The following CBLB variants were observed in gnomAD, a reference collection of about 807,000 sequenced individuals.
CBLB encodes E3 ubiquitin-protein ligase CBL-B.
Under a neutral mutation model 104.9 loss-of-function variants are expected in CBLB, and 31 were observed. That is an observed-to-expected ratio of 0.30 (90% confidence interval 0.22 to 0.40). The LOEUF is 0.40. Ranked by LOEUF, CBLB falls within the 10% of genes least tolerant of loss-of-function variation. The probability of loss-of-function intolerance (pLI) is 1.00; values close to 1 mark genes in which losing one functional copy is unlikely to be tolerated. For synonymous variants in CBLB, 440 were observed against 422.6 expected (o/e 1.04, Z -0.51); for missense variants, 1,062 against 1,214.6 (o/e 0.87, Z 1.87).
intron 4 of CBLB, among the ~76,000 whole-genome samples, chr3:105,768,831 A>T (rs2078518856): frequency 6.6e-6 from 1 of 152,232 alleles, no homozygotes; most frequent in African/African-American, 2.4e-5. Flanking sequence ...GGACTTATGA[A>T]CTGAACTTAA....
chr3:105,743,205 C>A (rs934951448), intron 6 of CBLB, among the ~76,000 whole-genome samples: 1 of 152,030 alleles, frequency 6.6e-6, no homozygotes, highest in African/African-American at 2.4e-5. Context: ...CACCTGTAAT[C>A]CCAGCACGTT....
At chr3:105,836,141 C>T (rs1183896373) in intron 3 of CBLB, among the ~76,000 whole-genome samples, 3 of 152,164 alleles carry the variant, frequency 2.0e-5, no homozygotes, top group Non-Finnish European at 2.9e-5. Context: ...CACCATGTTA[C>T]ACAACTCTCA....
chr3:105,757,777 G>T (rs2077215679), intron 4 of CBLB, among the ~76,000 whole-genome samples: 1 of 152,306 alleles, frequency 6.6e-6, no homozygotes, highest in Middle Eastern at 3.4e-3. Flanking sequence ...GGTATTAGTG[G>T]TGGCAGGTGT....
rs554000219 is a variant in CBLB at position 105,690,776 on chromosome 3, C to A, written c.2054+2718G>T. On this transcript the variant is annotated intron_variant, in intron 13 of 18. Coordinates refer to ENST00000394030, the MANE Select transcript of CBLB (RefSeq NM_170662.5). ...GGCAGAGGTTGCAGTGAGCCGAGAT[C>A]GCGCCACTGCACTCCAGCCTGGGCG... Among the ~76,000 whole-genome samples the A allele has an allele frequency of 9.3e-5, 14 of 150,308 alleles. No homozygotes were observed. In the South Asian group the frequency reaches 2.7e-3, roughly 29 times the overall value.
chr3:105,704,217 C>T, intron 10 of CBLB, 44 bp from the exon 11 acceptor site: 1 of 1,558,536 alleles, frequency 6.4e-7, no homozygotes, highest in Non-Finnish European at 8.9e-7. Context: ...ATTAGCTGTG[C>T]AGAGTGTTCT....
In CBLB at chr3:105,710,744, T is replaced by C. The variant is rs114029272; in HGVS notation, c.1408-6571A>G. 2.8e-3 allele frequency among the ~76,000 whole-genome samples: 423 copies of C among 152,068 alleles called. 6 individuals carry two copies. The highest frequency in any genetic ancestry group is 9.8e-3 in the African/African-American group (408 of 41,570). Reference sequence around the variant, plus strand: ...AACTAGAATCCTGGTGTTCTAGAAATTTAAAGACCACATTGGATTCTTTTA... The same window carrying C: ...AACTAGAATCCTGGTGTTCTAGAAACTTAAAGACCACATTGGATTCTTTTA... On this transcript the variant is annotated intron_variant, in intron 10 of 18. Transcript: ENST00000394030.
chr3:105,662,558 T>C (rs1439602277), intron 18 of CBLB, among the ~76,000 whole-genome samples: 1 of 152,154 alleles, frequency 6.6e-6, no homozygotes, highest in African/African-American at 2.4e-5. Flanking sequence ...AGAATATAAA[T>C]AGTACATCTT....
chr3:105,693,667 GA>G, intron 12 of CBLB, 79 bp from the exon 13 acceptor site: 1 of 890,998 alleles, frequency 1.1e-6, no homozygotes. Flanking sequence ...CTACCATTCT[GA>G]AGACAATATG....
At chr3:105,825,806 A>G (rs1370810233) in intron 3 of CBLB, among the ~76,000 whole-genome samples, 1 of 152,210 alleles carries the variant, frequency 6.6e-6, no homozygotes, top group Non-Finnish European at 1.5e-5. Flanking sequence ...TGAATACAAA[A>G]TAGCATGATA....
chr3:105,702,021 A>G, intron 12 of CBLB, 73 bp downstream of exon 12: 1 of 1,572,264 alleles, frequency 6.4e-7, no homozygotes, highest in Non-Finnish European at 8.7e-7. Context: ...AACACTTCCC[A>G]ACCTTTTATG....
intron 18 of CBLB, among the ~76,000 whole-genome samples, chr3:105,659,995 C>A (rs1038719382): frequency 1.3e-5 from 2 of 151,938 alleles, no homozygotes; most frequent in Non-Finnish European, 2.9e-5. Flanking sequence ...TAGATTAGTC[C>A]CTTGGTGATA....
At chr3:105,865,807 A>T (rs2092394834) in intron 2 of CBLB, among the ~76,000 whole-genome samples, 1 of 152,168 alleles carries the variant, frequency 6.6e-6, no homozygotes, top group East Asian at 1.9e-4. Context: ...CCTTTATAGA[A>T]TCTGAACCAT....
chr3:105,671,990 T>C lies in CBLB; in HGVS notation c.2570-1638A>G, dbSNP rs530182118. The C allele has an allele frequency of 3.7e-5, 7 of 191,208 alleles. No homozygotes were observed. In the South Asian group the frequency reaches 9.6e-4, roughly 26 times the overall value. 11.8% of individuals were successfully genotyped at this position (191,208 alleles called of 1,614,324 possible). A position where few individuals can be genotyped will look rare whatever the true frequency, so the allele number is the denominator to read the frequency against. ...GGAAACAAATATGGTGATTTCAGCA[T>C]AAATTTTGAAATTTCCCAAAGATTT... On this transcript the variant is annotated intron_variant, in intron 17 of 18. Coordinates refer to ENST00000394030, the MANE Select transcript of CBLB (RefSeq NM_170662.5).
Position 105,737,081 on chromosome 3 carries a change from C to T in CBLB, c.1071+90G>A, listed in dbSNP as rs2075030308. ...GTATATTTTGTATTAAATACCTGTG[C>T]ATGATTTTAACTACACTAAGAGAGT... On this transcript the variant is annotated intron_variant, in intron 8 of 18. Coordinates refer to ENST00000394030, the MANE Select transcript of CBLB (RefSeq NM_170662.5). The T allele has an allele frequency of 6.9e-6, 4 of 579,330 alleles. No individual in the cohort carries two copies. In the Admixed American group the frequency reaches 8.0e-5, roughly 12 times the overall value. The allele number at this position is 579,330 out of a possible 1,614,324, so 35.9% of individuals were successfully genotyped here.
intron 3 of CBLB, among the ~76,000 whole-genome samples, chr3:105,795,482 T>C (rs2082155539): frequency 6.6e-6 from 1 of 152,168 alleles, no homozygotes; most frequent in Non-Finnish European, 1.5e-5. Flanking sequence ...ATATGTTGAG[T>C]ATGTGTGTAT....
At chr3:105,770,082 GTT>G (rs397874009) in intron 4 of CBLB, among the ~76,000 whole-genome samples, 2 of 142,682 alleles carry the variant, frequency 1.4e-5, no homozygotes, top group African/African-American at 2.6e-5. Flanking sequence ...GCTAATTTTT[GTT>G]TTTTTTTTTT....
intron 9 of CBLB, among the ~76,000 whole-genome samples, chr3:105,728,626 G>A (rs2073959262): frequency 6.6e-6 from 1 of 152,152 alleles, no homozygotes; most frequent in Admixed American, 6.5e-5. Context: ...ACGTGGATGT[G>A]AAAGACAACT....
intron 4 of CBLB, among the ~76,000 whole-genome samples, chr3:105,772,685 T>C (rs988604811): frequency 4.0e-5 from 6 of 150,922 alleles, no homozygotes; most frequent in African/African-American, 1.5e-4. Context: ...AAACAAATAA[T>C]CCCATCAAAA....
intron 18 of CBLB, among the ~76,000 whole-genome samples, chr3:105,660,900 A>C (rs2063730287): frequency 6.6e-6 from 1 of 152,262 alleles, no homozygotes; most frequent in Middle Eastern, 3.4e-3. Flanking sequence ...ATATCAATAT[A>C]ACATACATAA....
Sources: gnomAD v4.1 joint callset for allele counts (sites outside exome capture counted in the v4.1 genomes callset) on GRCh38, gnomAD v4.1.1 for gene constraint, MANE v1.5 for transcripts, NCBI Gene and HGNC (gene_info 2026-07-23, HGNC 2026-07-21) for gene names.